KIF21A: variants seen among roughly 807,000 people sequenced by gnomAD.
KIF21A encodes the protein kinesin-like protein KIF21A.
KIF21A carries 114 observed loss-of-function variants against 202.9 expected under a neutral mutation model. The ratio of observed to expected loss-of-function variants is 0.56; its 90% CI spans 0.48 to 0.66. KIF21A has a LOEUF of 0.66. Ranked by LOEUF, KIF21A falls within the 30% of genes least tolerant of loss-of-function variation. The probability of loss-of-function intolerance (pLI) is 0.00; values close to 1 mark genes in which losing one functional copy is unlikely to be tolerated. For synonymous variants in KIF21A, 667 were observed against 670.8 expected, an observed-to-expected ratio of 0.99 and a Z score of 0.09; for missense variants, 1,677 against 1,994.9, an observed-to-expected ratio of 0.84 and a Z score of 3.04.
At chr12:39,441,676 A>AAAAAAAAAAAAAAAAAAAC (rs1041857523) in intron 1 of KIF21A, among the ~76,000 whole-genome samples, 11 of 137,308 alleles carry the variant, frequency 8.0e-5, no homozygotes, top group African/African-American at 2.8e-4. Context: ...AAAAAAAAAA[A>AAAAAAAAAAAAAAAAAAAC]AAAACACTTA....
chr12:39,337,054 C>T (rs1280195543), intron 17 of KIF21A, 42 bp downstream of exon 17: 11 of 1,324,936 alleles, frequency 8.3e-6, no homozygotes, highest in South Asian at 1.2e-5. Context: ...TCTTTTTCAA[C>T]GTACAATTTT....
chr12:39,305,218 T>C (rs908438279), intron 34 of KIF21A, among the ~76,000 whole-genome samples: 33 of 151,604 alleles, frequency 2.2e-4, no homozygotes, highest in African/African-American at 7.8e-4. Context: ...ATATAAAAAT[T>C]AGCCGGATGT....
intron 1 of KIF21A, among the ~76,000 whole-genome samples, chr12:39,380,876 T>G (rs1950566878): frequency 6.6e-6 from 1 of 152,184 alleles, no homozygotes; most frequent in African/African-American, 2.4e-5. Flanking sequence ...TTCTATTTTT[T>G]TCTTATTACA....
chr12:39,376,097 T>C (rs1950253928), intron 1 of KIF21A, among the ~76,000 whole-genome samples: 1 of 152,110 alleles, frequency 6.6e-6, no homozygotes, highest in African/African-American at 2.4e-5. Context: ...ATTTTTTAAA[T>C]TACCGTTTGG....
intron 5 of KIF21A, 146 bp downstream of exon 5, chr12:39,366,884 C>T (rs1167344263): frequency 1.2e-6 from 1 of 835,016 alleles, no homozygotes; most frequent in African/African-American, 1.7e-5. Context: ...GGCTGACCAG[C>T]TTCAACTTAA....
At position 39,332,168 on chromosome 12, in the gene KIF21A, A is replaced by G. The variant is rs777497786; in HGVS notation, c.3051+46T>C. On this transcript the variant is annotated intron_variant, in intron 21 of 37. Transcript: ENST00000361418. ...AGTGCTTTGAACAATAAACAATACA[A>G]AAGTACTTTTCATTAAACCATTACG... 3.2e-6 allele frequency: 5 copies of G among 1,542,146 alleles called. No homozygotes were observed. In the Admixed American group the frequency reaches 6.7e-5, roughly 21 times the overall value.
Position 39,315,254 on chromosome 12 carries a change from G to T in KIF21A, c.3948-14C>A. 6.2e-7 allele frequency: 1 copy of T among 1,610,674 alleles called. No individual in the cohort carries two copies. Among genetic ancestry groups the T allele is most frequent in the Non-Finnish European group, 8.5e-7 (1 of 1,177,802 alleles). On this transcript the variant is annotated splice_polypyrimidine_tract_variant and intron_variant, in intron 30 of 37. Transcript: ENST00000361418. ...CTTCTGGAGGATCTGCTGATGATCA[G>T]CAAAAATGGCCATAAAACAAGGAAA... is the stretch of plus-strand genomic sequence containing the variant.
intron 10 of KIF21A, among the ~76,000 whole-genome samples, chr12:39,355,613 C>A (rs1223926334): frequency 6.6e-6 from 1 of 150,648 alleles, no homozygotes; most frequent in Non-Finnish European, 1.5e-5. Flanking sequence ...GTACTCTCAA[C>A]ACGGGGTAGA....
At chr12:39,318,313 CT>C (rs1318120150) in intron 28 of KIF21A, 112 bp from the exon 29 acceptor site, 20 of 954,776 alleles carry the variant, frequency 2.1e-5, no homozygotes, top group Non-Finnish European at 2.7e-5. Flanking sequence ...AGAACTCCTT[CT>C]TTCCTTTCTT....
chr12:39,417,696 A>G (rs1953884729), intron 1 of KIF21A, among the ~76,000 whole-genome samples: 1 of 152,190 alleles, frequency 6.6e-6, no homozygotes, highest in Non-Finnish European at 1.5e-5. Context: ...TCACTGGTCT[A>G]CATCATTATG....
chr12:39,350,592 T>G (rs912783790), intron 11 of KIF21A, among the ~76,000 whole-genome samples: 1 of 152,012 alleles, frequency 6.6e-6, no homozygotes, highest in Non-Finnish European at 1.5e-5. Context: ...TGATCATTAT[T>G]TCAGTTTCAA....
At chr12:39,351,140 C>G (rs1230992415) in intron 11 of KIF21A, among the ~76,000 whole-genome samples, 5 of 152,020 alleles carry the variant, frequency 3.3e-5, no homozygotes, top group East Asian at 1.9e-4. Context: ...TTTTCTTCCT[C>G]TCCTTTGCAC....
At position 39,341,940 on chromosome 12, in the gene KIF21A, T is replaced by A. The variant is rs981884690; in HGVS notation, c.1803+94A>T. ...ATTAAACAGAATGCATCATAAGCAGTTCACTTTTCTACAAGTAAGTTAGTA... is the reference window on the plus strand; with the variant it reads ...ATTAAACAGAATGCATCATAAGCAGATCACTTTTCTACAAGTAAGTTAGTA... On this transcript the variant is annotated intron_variant, in intron 13 of 37. Coordinates refer to ENST00000361418, the MANE Select transcript of KIF21A (RefSeq NM_001173464.2). 2.1e-5 allele frequency: 18 copies of A among 843,222 alleles called. No homozygotes were observed. The Admixed American group carries it at 3.5e-4, about 17-fold the overall frequency. The allele number at this position is 843,222 out of a possible 1,614,324, so 52.2% of individuals were successfully genotyped here.
At chr12:39,339,257 C>T (rs1947246317) in intron 16 of KIF21A, among the ~76,000 whole-genome samples, 1 of 148,234 alleles carries the variant, frequency 6.7e-6, no homozygotes, top group South Asian at 2.2e-4. Flanking sequence ...AAAAAGTGTA[C>T]CATTTTTTTA....
At chr12:39,313,742 A>G (rs1390825742) in intron 31 of KIF21A, among the ~76,000 whole-genome samples, 3 of 151,928 alleles carry the variant, frequency 2.0e-5, no homozygotes, top group African/African-American at 7.2e-5. Flanking sequence ...ACTCACTATC[A>G]ATGATTTGTT....
At chr12:39,395,966 A>G (rs978137777) in intron 1 of KIF21A, among the ~76,000 whole-genome samples, 28 of 151,406 alleles carry the variant, frequency 1.8e-4, no homozygotes, top group African/African-American at 6.6e-4. Context: ...TTATCTAATT[A>G]TGCTCTTAAA....
intron 17 of KIF21A, among the ~76,000 whole-genome samples, chr12:39,334,598 T>A (rs1946804228): frequency 6.6e-6 from 1 of 152,226 alleles, no homozygotes. Flanking sequence ...TTCAAACTTG[T>A]TACATTAAAT....
Position 39,332,405 on chromosome 12 carries a change from G to A in KIF21A, c.2860C>T (p.Arg954Trp), listed in dbSNP as rs121912585. ...EADMNRLLKQ[R>W]EELTKRREKL... ...TCTCGTCTTTTTGTGAGTTCCTCCC[G>A]TTGCTATTGAGAAAGCAGGTTGGAT... Residue 954 changes from arginine to tryptophan, a missense_variant, in exon 21 of 38, where the codon CGG becomes TGG. This residue lies in a region of KIF21A where 966 missense variants were observed against 1,180.9 expected (regional missense o/e 0.82). Coordinates refer to ENST00000361418, the MANE Select transcript of KIF21A (RefSeq NM_001173464.2). 1 of 1,613,318 alleles carries A rather than the reference G, an allele frequency of 6.2e-7. No individual in the cohort carries two copies. The highest frequency in any genetic ancestry group is 8.5e-7 in the Non-Finnish European group (1 of 1,179,688).
intron 6 of KIF21A, 68 bp from the exon 7 acceptor site, chr12:39,363,281 G>T (rs1949370015): frequency 2.2e-6 from 2 of 911,362 alleles, no homozygotes; most frequent in Non-Finnish European, 3.6e-6. Context: ...TTTAAATAAA[G>T]AAAGTTTACA....
Sources: gnomAD v4.1 joint callset for allele counts (sites outside exome capture counted in the v4.1 genomes callset) on GRCh38, gnomAD v4.1.1 for gene constraint, gnomAD v4.1.1 regional missense constraint, MANE v1.5 for transcripts, NCBI Gene and HGNC (gene_info 2026-07-23, HGNC 2026-07-21) for gene names.